Variants in EXPH5 observed in about 807,000 individuals in gnomAD.
EXPH5 encodes exophilin-5.
A neutral mutation model predicts 41.1 loss-of-function variants in EXPH5; 42 were observed. That is an observed-to-expected ratio of 1.02 (90% CI 0.80 to 1.32). The LOEUF (loss-of-function observed/expected upper bound fraction) is 1.32. Ranked by LOEUF, EXPH5 falls within the 40% of genes most tolerant of loss-of-function variation. The pLI, the probability that EXPH5 is intolerant of heterozygous loss-of-function variation, is 0.00. For missense variants in EXPH5, 2,298 were observed against 2,314.5 expected (o/e 0.99, Z 0.15); for synonymous variants, 798 against 833.5 (o/e 0.96, Z 0.73).
At chr11:108,594,330 C>T (rs1045959550), upstream of EXPH5, among the ~76,000 whole-genome samples, 1 of 152,062 alleles carries the variant, frequency 6.6e-6, no homozygotes. Flanking sequence ...CAAACAAAAC[C>T]GTTTATGGTA....
intron 3 of EXPH5, among the ~76,000 whole-genome samples, chr11:108,533,865 A>G (rs1445097020): frequency 6.6e-6 from 1 of 152,124 alleles, no homozygotes; most frequent in East Asian, 1.9e-4. Flanking sequence ...GCACAATCAC[A>G]GCTCACTGAA....
At chr11:108,599,954 A>G in the EXPH5 span, among the ~76,000 whole-genome samples, 1 of 152,312 alleles carries the variant, frequency 6.6e-6, no homozygotes, top group South Asian at 2.1e-4. Flanking sequence ...AAAGACCTAC[A>G]TTTGTTTGCT....
At chr11:108,560,280 T>G (rs2094006065) in intron 1 of EXPH5, among the ~76,000 whole-genome samples, 1 of 152,240 alleles carries the variant, frequency 6.6e-6, no homozygotes, top group Non-Finnish European at 1.5e-5. Flanking sequence ...TGACATCAGT[T>G]AAAGCTCATT....
At chr11:108,597,675 A>G (rs1220781260), upstream of EXPH5, among the ~76,000 whole-genome samples, 3 of 152,342 alleles carry the variant, frequency 2.0e-5, no homozygotes, top group African/African-American at 7.2e-5. Context: ...AACAAATCAG[A>G]GGTACCTGCT....
In EXPH5 at chr11:108,510,505, T is replaced by G; in HGVS notation, c.5002A>C (p.Lys1668Gln). 6.2e-7 allele frequency: 1 copy of G among 1,614,120 alleles called. No homozygotes were observed. Among genetic ancestry groups the G allele is most frequent in the Non-Finnish European group, 8.5e-7 (1 of 1,180,038 alleles). ...RLSENGKHVK[K>Q]SENLLPITVL... ...GTAATGGGGAGAAGGTTCTCGGATT[T>G]CTTCACATGCTTTCCGTTCTCACTC... is the stretch of plus-strand genomic sequence containing the variant. The change falls in exon 6 of 6, where the codon AAA becomes CAA. Residue 1668 changes from lysine to glutamine, a missense_variant. Physicochemically the swap from Lys to Gln is moderately conservative, Grantham distance 53. Coordinates refer to ENST00000265843, the MANE Select transcript of EXPH5 (RefSeq NM_015065.3).
rs114111321 is a variant in EXPH5, at chr11:108,518,273, G to A, written c.593C>T (p.Pro198Leu). ...ATTCTCCAGCAGTGAAGCATCCCACGGTGGAGGCATGCCACTCTCCTCCCT... is the reference window on the plus strand; with the variant it reads ...ATTCTCCAGCAGTGAAGCATCCCACAGTGGAGGCATGCCACTCTCCTCCCT... The part of the protein sequence containing the change: ...VMREESGMPP[P>L]WDASLLENEF... Residue 198 changes from proline (P) to leucine (L), a missense_variant, in exon 5 of 6, where the codon CCG (proline) becomes CTG (leucine). Physicochemically the swap from Pro to Leu is moderately conservative, Grantham distance 98. Coordinates refer to ENST00000265843, the MANE Select transcript of EXPH5 (RefSeq NM_015065.3). 63 of 1,613,770 alleles carry A rather than the reference G, an allele frequency of 3.9e-5. No homozygotes were observed. The highest frequency in any genetic ancestry group is 3.3e-4 in the Middle Eastern group (2 of 6,062).
chr11:108,513,460 G>T lies in EXPH5; in HGVS notation c.2047C>A (p.Leu683Met). 1 of 1,613,710 alleles carries T rather than the reference G, an allele frequency of 6.2e-7. No individual in the cohort carries two copies. The highest frequency in any genetic ancestry group is 1.3e-5 in the African/African-American group (1 of 75,042). The change falls in exon 6 of 6, where the codon CTG (leucine) becomes ATG (methionine). Residue 683 changes from leucine to methionine, a missense_variant. Physicochemically the swap from Leu to Met is conservative, Grantham distance 15. Transcript: ENST00000265843. ...TVTSSNSVDSLPLAKSQPNIL... is the reference protein window; with the variant it reads ...TVTSSNSVDSMPLAKSQPNIL... ...TTGGGCTGGCTTTTGGCAAGAGGCA[G>T]AGAGTCAACTGAATTGCTGCTGGTC...
intron 1 of EXPH5, among the ~76,000 whole-genome samples, chr11:108,585,865 C>T (rs961437060): frequency 9.9e-5 from 15 of 152,086 alleles, no homozygotes; most frequent in African/African-American, 1.9e-4. Context: ...AAAGGATAAA[C>T]GAACTGTAGT....
Position 108,513,898 on chromosome 11 carries a change from A to C in EXPH5, c.1609T>G (p.Tyr537Asp). 1 of 1,611,156 alleles carries C rather than the reference A, an allele frequency of 6.2e-7. No homozygotes were observed. Among genetic ancestry groups the C allele is most frequent in the Non-Finnish European group, 8.5e-7 (1 of 1,179,016 alleles). ...SEHWESFSSG[Y>D]GTDVSRGQEE... ...TGGCCTCTGGAAACATCTGTTCCATAACCAGAAGAAAATGATTCCCAGTGT... is the reference window on the plus strand; with the variant it reads ...TGGCCTCTGGAAACATCTGTTCCATCACCAGAAGAAAATGATTCCCAGTGT... The change falls in exon 6 of 6, where the codon TAT (tyrosine) becomes GAT (aspartate). Residue 537 changes from tyrosine (Y) to aspartate (D), a missense_variant. Coordinates refer to ENST00000265843, the MANE Select transcript of EXPH5 (RefSeq NM_015065.3).
intron 1 of EXPH5, among the ~76,000 whole-genome samples, chr11:108,551,206 C>T (rs925063690): frequency 1.3e-5 from 2 of 152,194 alleles, no homozygotes; most frequent in Non-Finnish European, 2.9e-5. Context: ...AGTCTAAAAC[C>T]CATGTTCTCC....
chr11:108,577,401 T>G (rs1461478405), intron 1 of EXPH5, among the ~76,000 whole-genome samples: 1 of 151,966 alleles, frequency 6.6e-6, no homozygotes, highest in Non-Finnish European at 1.5e-5. Flanking sequence ...GCCATTTTAT[T>G]TTATTTTATT....
chr11:108,585,915 AAAGG>A (rs2094111575), intron 1 of EXPH5, among the ~76,000 whole-genome samples: 1 of 152,196 alleles, frequency 6.6e-6, no homozygotes, highest in Non-Finnish European at 1.5e-5. Flanking sequence ...TCAGCAATAT[AAAGG>A]AATGAATTAT....
chr11:108,532,844 C>T (rs2093852445), intron 3 of EXPH5, among the ~76,000 whole-genome samples: 1 of 152,098 alleles, frequency 6.6e-6, no homozygotes, highest in Non-Finnish European at 1.5e-5. Context: ...CTAGAAATGT[C>T]ACTTTCTCCG....
chr11:108,603,884 AG>A, the EXPH5 span, among the ~76,000 whole-genome samples: 19 of 152,336 alleles, frequency 1.2e-4, no homozygotes, highest in African/African-American at 4.1e-4. Context: ...GAGGAGAGAA[AG>A]GCTGTTTCCA....
At chr11:108,522,885 A>AT (rs373012016) in intron 4 of EXPH5, among the ~76,000 whole-genome samples, 4,682 of 145,772 alleles carry the variant, frequency 0.032, 170 homozygotes, top group African/African-American at 0.095. Context: ...ATCCTTTCCA[A>AT]TTTTTTTTTT....
At chr11:108,532,356 ATATATATATATTTTTTTTTTT>A (rs1480732796) in intron 3 of EXPH5, among the ~76,000 whole-genome samples, 3 of 20,180 alleles carry the variant, frequency 1.5e-4, no homozygotes, top group African/African-American at 5.3e-4. Flanking sequence ...ATATATATAT[ATATATATATATTTTTTTTTTT>A]TTTTTTTTTT....
chr11:108,548,074 A>G (rs919963126), intron 1 of EXPH5, among the ~76,000 whole-genome samples: 1 of 140,896 alleles, frequency 7.1e-6, no homozygotes, highest in Non-Finnish European at 1.5e-5. Context: ...GCACCACTGC[A>G]CTCCAGCCTG....
intron 4 of EXPH5, among the ~76,000 whole-genome samples, chr11:108,521,070 A>G (rs1038180370): frequency 6.6e-6 from 1 of 151,720 alleles, no homozygotes; most frequent in Non-Finnish European, 1.5e-5. Flanking sequence ...CTCATCCTGC[A>G]CTCATCCACT....
chr11:108,587,387 C>T (rs2094116342), intron 1 of EXPH5, among the ~76,000 whole-genome samples: 1 of 152,168 alleles, frequency 6.6e-6, no homozygotes, highest in Non-Finnish European at 1.5e-5. Flanking sequence ...ACCTGGTTTC[C>T]TCAGATCTTT....
Sources: gnomAD v4.1 joint callset for allele counts (sites outside exome capture counted in the v4.1 genomes callset) on GRCh38, gnomAD v4.1.1 for gene constraint, MANE v1.5 for transcripts, NCBI Gene and HGNC (gene_info 2026-07-23, HGNC 2026-07-21) for gene names.